PARD6G: variants seen among roughly 807,000 people sequenced by gnomAD.
The protein encoded by PARD6G is par-6 family cell polarity regulator gamma.
A neutral mutation model predicts 10.7 loss-of-function variants in PARD6G; 7 were observed. That is an observed-to-expected ratio of 0.66 (90% CI 0.37 to 1.23). The LOEUF (loss-of-function observed/expected upper bound fraction) is 1.23. Among genes scored for constraint, PARD6G ranks in the 50% most tolerant of loss-of-function variants. PARD6G has a pLI of 0.02. For synonymous variants in PARD6G, 287 were observed against 269.4 expected, an observed-to-expected ratio of 1.07 and a Z score of -0.64; for missense variants, 548 against 571.8, an observed-to-expected ratio of 0.96 and a Z score of 0.42.
rs750020748 is a variant in PARD6G at position 80,192,673 on chromosome 18, A to C, written c.295+10037T>G. 9.2e-5 allele frequency among the ~76,000 whole-genome samples: 14 copies of C among 152,184 alleles called. No individual in the cohort carries two copies. The highest frequency in any genetic ancestry group is 1.8e-4 in the Non-Finnish European group (12 of 68,026). On this transcript the variant is annotated intron_variant, in intron 2 of 2. Transcript: ENST00000353265. This position sits in a 1 kb window ranked among gnomAD's most constrained non-coding sequence, Gnocchi z 4.9. Reference sequence around the variant, plus strand: ...CTTTCTGAACCTTACTGTGGTCCAGAACACCAAAGACAAGGAGGGAAGAAT... The same window carrying C: ...CTTTCTGAACCTTACTGTGGTCCAGCACACCAAAGACAAGGAGGGAAGAAT...
intron 2 of PARD6G, among the ~76,000 whole-genome samples, chr18:80,174,279 C>G (rs908030761): frequency 3.3e-5 from 5 of 152,160 alleles, no homozygotes; most frequent in African/African-American, 1.2e-4. Flanking sequence ...ATAAAACCTT[C>G]CCACCTATTT....
chr18:80,220,748 T>C (rs1967219444), intron 1 of PARD6G, among the ~76,000 whole-genome samples: 1 of 152,056 alleles, frequency 6.6e-6, no homozygotes, highest in Admixed American at 6.6e-5. Flanking sequence ...GTAGCTGGCA[T>C]TACAGGTGCA....
intron 1 of PARD6G, among the ~76,000 whole-genome samples, chr18:80,245,002 TC>T (rs1479578173): frequency 1.3e-5 from 2 of 152,088 alleles, no homozygotes; most frequent in Non-Finnish European, 2.9e-5. Context: ...GTGTGGCCCT[TC>T]CAAGGACACC....
intron 1 of PARD6G, among the ~76,000 whole-genome samples, chr18:80,210,462 C>T (rs1446654752): frequency 6.6e-6 from 1 of 152,134 alleles, no homozygotes; most frequent in Admixed American, 6.6e-5. Context: ...TGGGAGGGAG[C>T]AGAACCAGTC....
chr18:80,215,151 TAA>T (rs1967150776), intron 1 of PARD6G, among the ~76,000 whole-genome samples: 1 of 151,628 alleles, frequency 6.6e-6, no homozygotes, highest in African/African-American at 2.4e-5. Flanking sequence ...AGAAGGAAAA[TAA>T]AAAGTGAAGG....
chr18:80,208,255 A>C (rs1330821692), intron 1 of PARD6G, among the ~76,000 whole-genome samples: 1 of 152,196 alleles, frequency 6.6e-6, no homozygotes, highest in African/African-American at 2.4e-5. Flanking sequence ...TTACTAAAAA[A>C]AATTCAGGTA....
chr18:80,239,455 T>G (rs904496997), intron 1 of PARD6G, among the ~76,000 whole-genome samples: 1 of 152,010 alleles, frequency 6.6e-6, no homozygotes, highest in Non-Finnish European at 1.5e-5. Flanking sequence ...AAAAAAAAAA[T>G]TACCAAAAAA....
chr18:80,170,756 A>T (rs544068576), intron 2 of PARD6G: 29 of 152,362 alleles, frequency 1.9e-4, no homozygotes, highest in African/African-American at 6.7e-4. Flanking sequence ...TTATTTCCAC[A>T]GATGTGGGGA....
chr18:80,202,833 T>C lies in PARD6G; in HGVS notation c.172A>G (p.Ser58Gly). ...LVVHTHHISN[S>G]DVTIGYADVH... ...TCTGCATAGCCAATAGTTACATCAC[T>C]GTTGGAGATATGGTGGGTGTGCACA... Residue 58 changes from serine to glycine, a missense_variant, in exon 2 of 3, where the codon AGT (serine) becomes GGT (glycine). Physicochemically the swap from Ser to Gly is moderately conservative, Grantham distance 56 (BLOSUM62 0). Coordinates refer to ENST00000353265, the MANE Select transcript of PARD6G (RefSeq NM_032510.4). The C allele has an allele frequency of 1.2e-6, 2 of 1,613,700 alleles. No homozygotes were observed. The highest frequency in any genetic ancestry group is 1.7e-6 in the Non-Finnish European group (2 of 1,179,960).
intron 2 of PARD6G, among the ~76,000 whole-genome samples, chr18:80,197,061 A>G (rs1325221049): frequency 6.6e-6 from 1 of 152,164 alleles, no homozygotes; most frequent in Non-Finnish European, 1.5e-5. Flanking sequence ...AGGCTAATTC[A>G]GCAAAAATAT....
At chr18:80,190,708 TGAG>T (rs1173217163) in intron 2 of PARD6G, among the ~76,000 whole-genome samples, 1 of 152,108 alleles carries the variant, frequency 6.6e-6, no homozygotes, top group Non-Finnish European at 1.5e-5. Flanking sequence ...ACCATGGATT[TGAG>T]GAGTGGAGGG....
intron 1 of PARD6G, among the ~76,000 whole-genome samples, chr18:80,219,203 G>GGTTT (rs56321410): frequency 0.53 from 76,025 of 142,928 alleles, 19,752 homozygotes; most frequent in Non-Finnish European, 0.59. Flanking sequence ...CAGAAAATAG[G>GGTTT]GTTTGTTTGT....
rs563503664 is a variant in PARD6G at position 80,246,342 on chromosome 18, T to C, written c.72+935A>G. ...CCACCAAGGAGACCCTCACAAACAA[T>C]AGCATCTGCGGCGAAGGAACCACCC... On this transcript the variant is annotated intron_variant, in intron 1 of 2. Transcript: ENST00000353265. The surrounding 1 kb of genome is among the most constrained non-coding windows in gnomAD (Gnocchi z 6.7). Among the ~76,000 whole-genome samples, 5 of 151,916 alleles carry C rather than the reference T, an allele frequency of 3.3e-5. No homozygotes were observed. Among genetic ancestry groups the C allele is most frequent in the African/African-American group, 4.8e-5 (2 of 41,344 alleles).
At chr18:80,236,689 GC>G (rs1369081570) in intron 1 of PARD6G, among the ~76,000 whole-genome samples, 1 of 152,134 alleles carries the variant, frequency 6.6e-6, no homozygotes, top group Non-Finnish European at 1.5e-5. Context: ...GAAATCACAA[GC>G]ATTCTTATAC....
intron 1 of PARD6G, among the ~76,000 whole-genome samples, chr18:80,227,635 A>G (rs1482967098): frequency 6.6e-6 from 1 of 152,246 alleles, no homozygotes; most frequent in Non-Finnish European, 1.5e-5. Flanking sequence ...CTTGAGTGGC[A>G]GCCACTGGGT....
rs1266773117 is a variant in PARD6G, at chr18:80,228,608, A to C, written c.72+18669T>G. ...CTGCATCTCCTAAGATGCAGCCCTG[A>C]AGCCCCACCCCCATCCACAGACTGC... On this transcript the variant is annotated intron_variant, in intron 1 of 2. Coordinates refer to ENST00000353265, the MANE Select transcript of PARD6G (RefSeq NM_032510.4). The surrounding 1 kb of genome is among the most constrained non-coding windows in gnomAD (Gnocchi z 4.6). Among the ~76,000 whole-genome samples the C allele has an allele frequency of 6.6e-6, 1 of 150,976 alleles. No homozygotes were observed. Among genetic ancestry groups the C allele is most frequent in the Non-Finnish European group, 1.5e-5 (1 of 67,812 alleles).
At chr18:80,162,458 C>G (rs974862874) in intron 2 of PARD6G, 2 of 168,736 alleles carry the variant, frequency 1.2e-5, no homozygotes, top group African/African-American at 4.8e-5. Flanking sequence ...GCATGTCTGT[C>G]AAGTCCTTTC....
chr18:80,202,015 C>T (rs1967012081), intron 2 of PARD6G: 1 of 152,362 alleles, frequency 6.6e-6, no homozygotes, highest in African/African-American at 2.4e-5. Context: ...TCAGTGTTCA[C>T]CACCTGCACC....
At position 80,188,923 on chromosome 18, in the gene PARD6G, G is replaced by A. The variant is rs192460607; in HGVS notation, c.295+13787C>T. 7.7e-4 allele frequency among the ~76,000 whole-genome samples: 118 copies of A among 152,300 alleles called. No homozygotes were observed. The highest frequency in any genetic ancestry group is 1.6e-3 in the Admixed American group (24 of 15,304). On this transcript the variant is annotated intron_variant, in intron 2 of 2. Transcript: ENST00000353265. The surrounding 1 kb of genome is among the most constrained non-coding windows in gnomAD (Gnocchi z 5.4). ...GGCATCTGAACACAAGAGTGACCTG[G>A]GGGGTGAATGCAGACATGGGAAGAG...
Sources: gnomAD v4.1 joint callset for allele counts (sites outside exome capture counted in the v4.1 genomes callset) on GRCh38, gnomAD v4.1.1 for gene constraint, Gnocchi (gnomAD v3.1) non-coding constraint, MANE v1.5 for transcripts, NCBI Gene and HGNC (gene_info 2026-07-23, HGNC 2026-07-21) for gene names.